SH3GL2: variants seen among roughly 807,000 people sequenced by gnomAD.
SH3GL2 encodes the protein endophilin-A1.
In SH3GL2, 24 loss-of-function variants were observed where a neutral mutation model predicts 46.0. The ratio of observed to expected loss-of-function variants is 0.52; its 90% CI spans 0.38 to 0.73. The LOEUF (loss-of-function observed/expected upper bound fraction) is 0.73. Ranked by LOEUF, SH3GL2 falls within the 30% of genes least tolerant of loss-of-function variation. The pLI, the probability that SH3GL2 is intolerant of heterozygous loss-of-function variation, is 0.00. For missense variants in SH3GL2, 413 were observed against 424.2 expected (o/e 0.97, Z 0.23); for synonymous variants, 196 against 147.1 (o/e 1.33, Z -2.40).
intron 1 of SH3GL2, among the ~76,000 whole-genome samples, chr9:17,687,852 A>G (rs1820963192): frequency 6.6e-6 from 1 of 152,096 alleles, no homozygotes; most frequent in Non-Finnish European, 1.5e-5. Context: ...TGAGGCATAC[A>G]ATTTAGAAAG....
intron 1 of SH3GL2, among the ~76,000 whole-genome samples, chr9:17,661,269 GATAAAGCT>G (rs1213039327): frequency 2.0e-5 from 3 of 152,188 alleles, no homozygotes; most frequent in African/African-American, 7.2e-5. Flanking sequence ...TGTTGATTTG[GATAAAGCT>G]ATGGGGGGCA....
At chr9:17,659,898 T>C (rs1398434210) in intron 1 of SH3GL2, among the ~76,000 whole-genome samples, 1 of 152,240 alleles carries the variant, frequency 6.6e-6, no homozygotes, top group East Asian at 1.9e-4. Flanking sequence ...GTTCTTGATA[T>C]GACTTTTGGC....
At chr9:17,786,266 C>G in intron 3 of SH3GL2, 115 bp from the exon 4 acceptor site, 1 of 910,076 alleles carries the variant, frequency 1.1e-6, no homozygotes, top group Non-Finnish European at 1.7e-6. Flanking sequence ...TGAAGGTACA[C>G]TTATCAGTAG....
intron 3 of SH3GL2, among the ~76,000 whole-genome samples, chr9:17,763,372 A>G (rs1305454211): frequency 6.6e-6 from 1 of 152,212 alleles, no homozygotes; most frequent in Non-Finnish European, 1.5e-5. Context: ...GTAGTGATGT[A>G]GGATCTTGAG....
intron 1 of SH3GL2, among the ~76,000 whole-genome samples, chr9:17,670,399 A>G (rs936984891): frequency 5.3e-5 from 8 of 152,042 alleles, no homozygotes; most frequent in Admixed American, 1.3e-4. Context: ...AGTTTTTTCT[A>G]CCTCCTGTAT....
intron 1 of SH3GL2, among the ~76,000 whole-genome samples, chr9:17,611,893 A>G (rs944246419): frequency 9.2e-5 from 14 of 151,716 alleles, no homozygotes; most frequent in African/African-American, 2.9e-4. Context: ...CAACTTGCCT[A>G]TCTCAACACT....
chr9:17,756,314 TTTTTTA>T (rs1822987481), intron 2 of SH3GL2, among the ~76,000 whole-genome samples: 1 of 152,186 alleles, frequency 6.6e-6, no homozygotes, highest in Non-Finnish European at 1.5e-5. Flanking sequence ...TCACTTTCTT[TTTTTTA>T]TTTTTATTTT....
At chr9:17,747,572 C>T (rs1279945577) in intron 2 of SH3GL2, among the ~76,000 whole-genome samples, 1 of 152,154 alleles carries the variant, frequency 6.6e-6, no homozygotes, top group East Asian at 1.9e-4. Context: ...GGAGAGAATA[C>T]AGTTTTAGAG....
intron 1 of SH3GL2, among the ~76,000 whole-genome samples, chr9:17,617,501 A>G (rs1276221386): frequency 6.6e-6 from 1 of 152,224 alleles, no homozygotes; most frequent in Non-Finnish European, 1.5e-5. Flanking sequence ...TAAAATAACT[A>G]GCATGTTAAA....
intron 1 of SH3GL2, among the ~76,000 whole-genome samples, chr9:17,620,650 A>G (rs1332079726): frequency 6.6e-6 from 1 of 152,136 alleles, no homozygotes; most frequent in African/African-American, 2.4e-5. Flanking sequence ...GCAGTCCAGC[A>G]ATGGGATTGG....
chr9:17,610,552 G>C (rs929919040), intron 1 of SH3GL2, among the ~76,000 whole-genome samples: 1 of 152,132 alleles, frequency 6.6e-6, no homozygotes, highest in Non-Finnish European at 1.5e-5. Context: ...CACTGCAATG[G>C]GAACTTTGTA....
Position 17,579,252 on chromosome 9 carries a change from G to A in SH3GL2, c.10G>A (p.Ala4Thr). Residue 4 changes from alanine (A) to threonine (T), a missense_variant, in exon 1 of 9, where the codon GCC becomes ACC. Physicochemically the swap from Ala to Thr is moderately conservative, Grantham distance 58. Coordinates refer to ENST00000380607, the MANE Select transcript of SH3GL2 (RefSeq NM_003026.5). MSV[A>T]GLKKQFHKAT... ...CGCGGCCTCCTGCACCATGTCGGTG[G>A]CCGGCCTCAAGAAGCAGTTCCATAA... is the stretch of plus-strand genomic sequence containing the variant. The A allele has an allele frequency of 6.4e-7, 1 of 1,565,268 alleles. No homozygotes were observed. Among genetic ancestry groups the A allele is most frequent in the Admixed American group, 1.8e-5 (1 of 55,610 alleles).
At chr9:17,756,437 T>C (rs1211092929) in intron 2 of SH3GL2, among the ~76,000 whole-genome samples, 1 of 151,414 alleles carries the variant, frequency 6.6e-6, no homozygotes, top group East Asian at 2.0e-4. Context: ...TAACTCGTCA[T>C]TTACATTAGG....
chr9:17,586,022 C>A (rs1486583684), intron 1 of SH3GL2, among the ~76,000 whole-genome samples: 1 of 152,178 alleles, frequency 6.6e-6, no homozygotes, highest in Admixed American at 6.5e-5. Context: ...AGAGCTATAA[C>A]TATACTTATT....
chr9:17,618,804 T>TGTGC (rs1049525133), intron 1 of SH3GL2, among the ~76,000 whole-genome samples: 4 of 151,568 alleles, frequency 2.6e-5, no homozygotes, highest in Non-Finnish European at 5.9e-5. Flanking sequence ...TGTGTGTGTG[T>TGTGC]GTGTGTGTGT....
intron 1 of SH3GL2, among the ~76,000 whole-genome samples, chr9:17,677,437 A>G (rs2118011453): frequency 6.6e-6 from 1 of 152,250 alleles, no homozygotes; most frequent in South Asian, 2.1e-4. Context: ...AGCATTTTAT[A>G]ACCTTCAACC....
intron 1 of SH3GL2, among the ~76,000 whole-genome samples, chr9:17,607,912 A>G (rs1428455830): frequency 1.3e-5 from 2 of 152,168 alleles, no homozygotes; most frequent in Middle Eastern, 3.2e-3. Context: ...GTCATGATTT[A>G]TGGAATGCTT....
At chr9:17,632,248 A>G (rs1819444093) in intron 1 of SH3GL2, among the ~76,000 whole-genome samples, 1 of 152,246 alleles carries the variant, frequency 6.6e-6, no homozygotes, top group South Asian at 2.1e-4. Flanking sequence ...GTCTTTTGTC[A>G]TACAACAACC....
chr9:17,615,528 G>A (rs530783048), intron 1 of SH3GL2, among the ~76,000 whole-genome samples: 9 of 151,920 alleles, frequency 5.9e-5, no homozygotes, highest in East Asian at 3.9e-4. Context: ...GGCAGCGGGC[G>A]CCTGTAATCC....
Sources: gnomAD v4.1 joint callset for allele counts (sites outside exome capture counted in the v4.1 genomes callset) on GRCh38, gnomAD v4.1.1 for gene constraint, MANE v1.5 for transcripts, NCBI Gene and HGNC (gene_info 2026-07-23, HGNC 2026-07-21) for gene names.